The following TNIK variants were observed in gnomAD, a reference collection of about 807,000 sequenced individuals.
TNIK encodes TRAF2 and NCK-interacting protein kinase.
TNIK carries 49 observed loss-of-function variants against 191.3 expected under a neutral mutation model. The ratio of observed to expected loss-of-function variants is 0.26; its 90% CI spans 0.20 to 0.32. TNIK has a LOEUF of 0.32. Among genes scored for constraint, TNIK ranks in the 10% least tolerant of loss-of-function variants. TNIK has a pLI of 1.00. For synonymous variants in TNIK, 594 were observed against 600.9 expected (o/e 0.99, Z 0.17); for missense variants, 1,155 against 1,702.3 (o/e 0.68, Z 5.66).
intron 2 of TNIK, among the ~76,000 whole-genome samples, chr3:171,259,342 G>C (rs1476883227): frequency 6.6e-6 from 1 of 152,182 alleles, no homozygotes; most frequent in Non-Finnish European, 1.5e-5. Context: ...GATGGGATAA[G>C]ACTCAGGTTT....
chr3:171,313,699 GAA>G (rs1754302114), intron 2 of TNIK, among the ~76,000 whole-genome samples: 1 of 152,062 alleles, frequency 6.6e-6, no homozygotes, highest in East Asian at 1.9e-4. Flanking sequence ...AACAGCAAGA[GAA>G]AAAACACACA....
At chr3:171,239,182 A>G (rs1292692722) in intron 2 of TNIK, among the ~76,000 whole-genome samples, 1 of 152,204 alleles carries the variant, frequency 6.6e-6, no homozygotes, top group African/African-American at 2.4e-5. Flanking sequence ...AGGTTTACTT[A>G]TAGTTTTAAG....
At chr3:171,416,075 C>T (rs1053990070) in intron 1 of TNIK, among the ~76,000 whole-genome samples, 1 of 151,804 alleles carries the variant, frequency 6.6e-6, no homozygotes, top group Admixed American at 6.6e-5. Flanking sequence ...CTTCTACCCC[C>T]CAGGCAAGAG....
chr3:171,079,817 G>T (rs1024103239), intron 27 of TNIK, among the ~76,000 whole-genome samples, 165 bp from the exon 28 acceptor site: 2 of 152,136 alleles, frequency 1.3e-5, no homozygotes, highest in Non-Finnish European at 1.5e-5. Flanking sequence ...TGGTGTTTCT[G>T]CCAGAACTTA....
At chr3:171,104,673 G>T (rs2108472746) in intron 21 of TNIK, among the ~76,000 whole-genome samples, 1 of 152,076 alleles carries the variant, frequency 6.6e-6, no homozygotes, top group Non-Finnish European at 1.5e-5. Context: ...ATAAATATTA[G>T]TTCAATTTTT....
chr3:171,261,472 A>G (rs1747603289), intron 2 of TNIK, among the ~76,000 whole-genome samples: 1 of 152,190 alleles, frequency 6.6e-6, no homozygotes, highest in South Asian at 2.1e-4. Context: ...TTCAAACAAG[A>G]ACCCCAGCAG....
chr3:171,101,969 G>A (rs1723645095), intron 21 of TNIK: 1 of 172,348 alleles, frequency 5.8e-6, no homozygotes, highest in Non-Finnish European at 1.2e-5. Flanking sequence ...CACCCCCAGA[G>A]TTAATGGGAA....
intron 2 of TNIK, among the ~76,000 whole-genome samples, chr3:171,245,470 A>C (rs1004209955): frequency 6.6e-6 from 1 of 152,130 alleles, no homozygotes; most frequent in Non-Finnish European, 1.5e-5. Context: ...TAAACCATAA[A>C]TTTTTAAATT....
At chr3:171,085,018 T>A (rs1721158738) in intron 25 of TNIK, 100 bp downstream of exon 25, 1 of 851,582 alleles carries the variant, frequency 1.2e-6, no homozygotes, top group Non-Finnish European at 1.8e-6. Context: ...ACCTAAGCAG[T>A]AATCAGCTTA....
intron 3 of TNIK, among the ~76,000 whole-genome samples, chr3:171,220,722 G>A (rs1020002206): frequency 6.6e-6 from 1 of 152,010 alleles, no homozygotes; most frequent in Non-Finnish European, 1.5e-5. Context: ...GGGGGCTAAG[G>A]GAATTAATTA....
chr3:171,297,040 G>T (rs975712222), intron 2 of TNIK, among the ~76,000 whole-genome samples: 1 of 151,942 alleles, frequency 6.6e-6, no homozygotes, highest in Non-Finnish European at 1.5e-5. Flanking sequence ...GCAGTTTACC[G>T]CAGTCCTTGC....
At chr3:171,135,038 G>A (rs1348878752) in intron 15 of TNIK, among the ~76,000 whole-genome samples, 2 of 152,164 alleles carry the variant, frequency 1.3e-5, no homozygotes, top group Admixed American at 1.3e-4. Flanking sequence ...GGGCAAAATA[G>A]TCCAGACCCT....
intron 19 of TNIK, 97 bp from the exon 20 acceptor site, chr3:171,108,259 G>GATTA: frequency 1.1e-6 from 1 of 933,816 alleles, no homozygotes; most frequent in Non-Finnish European, 1.5e-6. Flanking sequence ...ATCACATTGA[G>GATTA]ATTACTCAGT....
intron 23 of TNIK, among the ~76,000 whole-genome samples, chr3:171,088,237 C>CT (rs760417147): frequency 0.032 from 4,506 of 142,818 alleles, 116 homozygotes; most frequent in African/African-American, 0.059. Context: ...AAAGGTTTTT[C>CT]TTTTTTTTTT....
intron 18 of TNIK, among the ~76,000 whole-genome samples, chr3:171,113,332 A>C (rs1449348289): frequency 6.6e-6 from 1 of 152,130 alleles, no homozygotes; most frequent in South Asian, 2.1e-4. Flanking sequence ...TCGGCCAGGC[A>C]CGGTGGCTCA....
chr3:171,093,257 A>AC (rs1012259883), intron 23 of TNIK, among the ~76,000 whole-genome samples: 45 of 152,060 alleles, frequency 3.0e-4, no homozygotes, highest in Non-Finnish European at 5.1e-4. Context: ...AACATGTGCC[A>AC]CCCCCCAAAT....
chr3:171,359,982 T>C (rs1389028531), intron 2 of TNIK, among the ~76,000 whole-genome samples: 1 of 152,198 alleles, frequency 6.6e-6, no homozygotes, highest in African/African-American at 2.4e-5. Flanking sequence ...ATCTAAAAAC[T>C]ACAAGTCATG....
intron 21 of TNIK, 69 bp from the exon 22 acceptor site, chr3:171,101,702 A>G: frequency 2.7e-6 from 4 of 1,505,690 alleles, no homozygotes; most frequent in Non-Finnish European, 3.6e-6. Context: ...TCAGCAAGTC[A>G]GTGCTCCAGC....
intron 2 of TNIK, among the ~76,000 whole-genome samples, chr3:171,291,290 A>T (rs1751655056): frequency 1.3e-5 from 2 of 152,166 alleles, no homozygotes; most frequent in Admixed American, 6.5e-5. Context: ...AGAGGCAACA[A>T]AATATTTTTT....
Sources: allele counts gnomAD v4.1 joint callset (sites outside exome capture counted in the v4.1 genomes callset), GRCh38; gene constraint gnomAD v4.1.1; transcripts MANE v1.5; gene names NCBI Gene and HGNC (gene_info 2026-07-23, HGNC 2026-07-21).